The following CCNY variants were observed in gnomAD, a reference collection of about 807,000 sequenced individuals.
CCNY encodes cyclin-Y.
A neutral mutation model predicts 42.8 loss-of-function variants in CCNY; 19 were observed. The ratio of observed to expected loss-of-function variants is 0.44; its 90% CI spans 0.31 to 0.65. CCNY has a LOEUF of 0.65. Among genes scored for constraint, CCNY ranks in the 30% least tolerant of loss-of-function variants. The probability of loss-of-function intolerance (pLI) is 0.07; values close to 1 mark genes in which losing one functional copy is unlikely to be tolerated. For missense variants in CCNY, 370 were observed against 437.3 expected, an observed-to-expected ratio of 0.85 and a Z score of 1.37; for synonymous variants, 165 against 162.7, an observed-to-expected ratio of 1.01 and a Z score of -0.11.
intron 1 of CCNY, among the ~76,000 whole-genome samples, chr10:35,399,783 C>G (rs1837604902): frequency 6.6e-6 from 1 of 152,154 alleles, no homozygotes; most frequent in African/African-American, 2.4e-5. Context: ...CTTAGCAGAT[C>G]CCAGTAATAT....
At chr10:35,376,623 T>C (rs112006635) in intron 1 of CCNY, among the ~76,000 whole-genome samples, 1,585 of 152,304 alleles carry the variant, frequency 0.01, 24 homozygotes, top group African/African-American at 0.036. Flanking sequence ...ATATAATGCA[T>C]ATGTTCCCAA....
chr10:35,454,207 G>T (rs898506766), intron 1 of CCNY, among the ~76,000 whole-genome samples: 2 of 152,208 alleles, frequency 1.3e-5, no homozygotes, highest in African/African-American at 4.8e-5. Context: ...GCAACTACCA[G>T]TGGTCAAGCT....
intron 1 of CCNY, among the ~76,000 whole-genome samples, chr10:35,465,497 C>T (rs755691573): frequency 6.6e-6 from 1 of 152,202 alleles, no homozygotes; most frequent in Non-Finnish European, 1.5e-5. Context: ...CAAATTTGAA[C>T]TGTTGAGATG....
intron 2 of CCNY, among the ~76,000 whole-genome samples, chr10:35,498,953 A>T (rs1040314648): frequency 1.6e-4 from 25 of 152,220 alleles, no homozygotes; most frequent in African/African-American, 5.8e-4. Context: ...CAGATAGCTT[A>T]TCCTCAGGTG....
intron 3 of CCNY, among the ~76,000 whole-genome samples, chr10:35,320,413 T>C (rs556134860): frequency 1.3e-5 from 2 of 152,310 alleles, no homozygotes; most frequent in African/African-American, 4.8e-5. Context: ...AAATTCGCCA[T>C]CCATTCACAA....
At chr10:35,398,874 G>C (rs977448515) in intron 1 of CCNY, among the ~76,000 whole-genome samples, 2 of 152,176 alleles carry the variant, frequency 1.3e-5, no homozygotes, top group African/African-American at 4.8e-5. Flanking sequence ...TCTGAGAAGG[G>C]GTTTAGCCTG....
At chr10:35,258,067 A>G (rs1334992447) in intron 3 of CCNY, among the ~76,000 whole-genome samples, 1 of 152,180 alleles carries the variant, frequency 6.6e-6, no homozygotes, top group Non-Finnish European at 1.5e-5. Context: ...TTTCAGCTCT[A>G]GAATTTTTTT....
At chr10:35,482,870 A>G (rs1174608525) in intron 1 of CCNY, among the ~76,000 whole-genome samples, 1 of 152,104 alleles carries the variant, frequency 6.6e-6, no homozygotes, top group African/African-American at 2.4e-5. Context: ...GGATCAAACA[A>G]AACATGTCTG....
At chr10:35,453,345 C>G (rs1053710478) in intron 1 of CCNY, among the ~76,000 whole-genome samples, 21 of 152,152 alleles carry the variant, frequency 1.4e-4, no homozygotes, top group African/African-American at 4.8e-4. Context: ...TATTTTTGAT[C>G]ACTACATAAT....
At chr10:35,273,678 T>C (rs967167000) in intron 3 of CCNY, among the ~76,000 whole-genome samples, 28 of 151,640 alleles carry the variant, frequency 1.8e-4, no homozygotes, top group African/African-American at 6.4e-4. Context: ...ACAGGGTTAC[T>C]TGATGTCCTG....
chr10:35,445,473 C>T lies in CCNY; in HGVS notation c.155-37931C>T, dbSNP rs187269609. On this transcript the variant is annotated intron_variant, in intron 1 of 9. Coordinates refer to ENST00000374704, the MANE Select transcript of CCNY (RefSeq NM_145012.6). ...TGAGCAGAGAAGCAGGAGTGGAGTC[C>T]GCATTTCTGCCAGGAAGGGTGGAAG... 7.9e-5 allele frequency among the ~76,000 whole-genome samples: 12 copies of T among 152,270 alleles called. No individual in the cohort carries two copies. The East Asian group carries it at 1.5e-3, about 20-fold the overall frequency.
intron 1 of CCNY, among the ~76,000 whole-genome samples, chr10:35,378,091 T>A (rs1414239973): frequency 6.6e-6 from 1 of 152,254 alleles, no homozygotes; most frequent in Non-Finnish European, 1.5e-5. Flanking sequence ...TCTGAAATCA[T>A]TTATGTTAAA....
intron 1 of CCNY, among the ~76,000 whole-genome samples, chr10:35,381,662 C>T (rs1046807927): frequency 6.6e-6 from 1 of 152,120 alleles, no homozygotes; most frequent in South Asian, 2.1e-4. Context: ...GATTCAGCTG[C>T]TTGCATTCAT....
chr10:35,562,695 A>G (rs1040686917), intron 8 of CCNY, among the ~76,000 whole-genome samples: 3 of 151,928 alleles, frequency 2.0e-5, no homozygotes, highest in Non-Finnish European at 4.4e-5. Flanking sequence ...TCTGTGTCCC[A>G]TTTTGTTTAT....
intron 1 of CCNY, among the ~76,000 whole-genome samples, chr10:35,430,331 C>T (rs561113456): frequency 8.8e-5 from 9 of 101,862 alleles, no homozygotes; most frequent in Admixed American, 2.5e-4. Context: ...AGCGAGACTC[C>T]GTCTCAAAAA....
At chr10:35,553,901 G>A (rs1841311823) in intron 8 of CCNY, among the ~76,000 whole-genome samples, 1 of 152,170 alleles carries the variant, frequency 6.6e-6, no homozygotes, top group Non-Finnish European at 1.5e-5. Flanking sequence ...TGGGAATCCA[G>A]GAACTGAGTT....
intron 5 of CCNY, among the ~76,000 whole-genome samples, chr10:35,529,126 A>G (rs117067523): frequency 0.013 from 2,015 of 152,280 alleles, 36 homozygotes; most frequent in East Asian, 0.051. Context: ...CTGTGCACGT[A>G]CCAGCCTGGT....
intron 1 of CCNY, among the ~76,000 whole-genome samples, chr10:35,416,778 C>A (rs1177342601): frequency 6.6e-6 from 1 of 152,132 alleles, no homozygotes; most frequent in African/African-American, 2.4e-5. Flanking sequence ...CTTTTGTGGC[C>A]CTGTTGCCCT....
intron 3 of CCNY, among the ~76,000 whole-genome samples, chr10:35,278,890 C>CA (rs1298320329): frequency 1.3e-5 from 2 of 152,170 alleles, no homozygotes; most frequent in Non-Finnish European, 2.9e-5. Context: ...CTTCTGCCTC[C>CA]AGCTGCCCTC....
Sources: allele counts gnomAD v4.1 joint callset (sites outside exome capture counted in the v4.1 genomes callset), GRCh38; gene constraint gnomAD v4.1.1; transcripts MANE v1.5; gene names NCBI Gene and HGNC (gene_info 2026-07-23, HGNC 2026-07-21).